The following LRP5 variants were observed in gnomAD, a reference collection of about 807,000 sequenced individuals.
LRP5 encodes the protein low-density lipoprotein receptor-related protein 5.
A neutral mutation model predicts 154.1 loss-of-function variants in LRP5; 62 were observed. The observed-to-expected ratio is 0.40, with a 90% CI of 0.33 to 0.50. The LOEUF (loss-of-function observed/expected upper bound fraction) is 0.50, where lower values mean the gene tolerates loss of function less well. LRP5 is among the 20% of genes least tolerant of loss of function. The pLI, the probability that LRP5 is intolerant of heterozygous loss-of-function variation, is 0.55. For synonymous variants in LRP5, 966 were observed against 1,011.5 expected (o/e 0.96, Z 0.85); for missense variants, 1,915 against 2,336.7 (o/e 0.82, Z 3.72).
intron 7 of LRP5, among the ~76,000 whole-genome samples, chr11:68,396,939 C>T (rs1591275936): frequency 6.6e-6 from 1 of 152,310 alleles, no homozygotes; most frequent in East Asian, 1.9e-4. Flanking sequence ...GATTGCATCC[C>T]CACTTCCCTT....
At chr11:68,398,061 T>A (rs765936186) in intron 7 of LRP5, among the ~76,000 whole-genome samples, 1 of 151,976 alleles carries the variant, frequency 6.6e-6, no homozygotes, top group Non-Finnish European at 1.5e-5. Flanking sequence ...TGAAGCAAGA[T>A]AACTGTTGCT....
chr11:68,438,477 G>A lies in LRP5; in HGVS notation c.4143G>A (p.Pro1381=), dbSNP rs759659671. ...EITKPPSDDS[P]AHSSAIGPVI... is the part of the protein sequence containing the mutation. ...CCAAGCCGCCCTCAGACGACAGCCC[G>A]GCCCACAGCAGTGCCATCGGGCCCG... Residue 1381 remains proline (P), a synonymous_variant, in exon 20 of 23, where the codon CCG becomes CCA. Coordinates refer to ENST00000294304, the MANE Select transcript of LRP5 (RefSeq NM_002335.4). 49 of 1,614,060 alleles carry A rather than the reference G, an allele frequency of 3.0e-5. No homozygotes were observed. Among genetic ancestry groups the A allele is most frequent in the East Asian group, 4.5e-5 (2 of 44,900 alleles).
chr11:68,446,318 C>T (rs2098681391), intron 21 of LRP5, 118 bp from the exon 22 acceptor site: 1 of 775,252 alleles, frequency 1.3e-6, no homozygotes, highest in South Asian at 1.4e-5. Flanking sequence ...AGGAAGGGGT[C>T]CTGGGAAGCA....
the LRP5 span, among the ~76,000 whole-genome samples, chr11:68,304,583 C>T: frequency 1.3e-5 from 2 of 152,236 alleles, no homozygotes; most frequent in African/African-American, 4.8e-5. Context: ...CAGCTTGCAC[C>T]CTGCACCTGG....
chr11:68,343,427 C>A (rs186300596), intron 1 of LRP5, among the ~76,000 whole-genome samples: 7 of 152,110 alleles, frequency 4.6e-5, no homozygotes, highest in African/African-American at 1.2e-4. Context: ...TCTCAAAAGG[C>A]CTGTGACCCC....
chr11:68,410,384 C>T (rs574629261), intron 10 of LRP5, among the ~76,000 whole-genome samples: 14 of 152,248 alleles, frequency 9.2e-5, no homozygotes, highest in African/African-American at 3.4e-4. Context: ...GCCGTCTCAC[C>T]GAAGTGTCCA....
chr11:68,447,644 G>A lies in LRP5; in HGVS notation c.4586+1111G>A, dbSNP rs1486334950. 1.3e-5 allele frequency among the ~76,000 whole-genome samples: 2 copies of A among 152,088 alleles called. No homozygotes were observed. The highest frequency in any genetic ancestry group is 1.9e-4 in the East Asian group (1 of 5,192). On this transcript the variant is annotated intron_variant, in intron 22 of 22. Transcript: ENST00000294304. This position sits in a 1 kb window ranked among gnomAD's most constrained non-coding sequence, Gnocchi z 4.3. Reference sequence around the variant, plus strand: ...ATGCCCGTCCTGCTCTGGGCCCACCGCGGACACATCTTCCCCCCGCCCGCC... The same window carrying A: ...ATGCCCGTCCTGCTCTGGGCCCACCACGGACACATCTTCCCCCCGCCCGCC...
intron 8 of LRP5, among the ~76,000 whole-genome samples, chr11:68,406,192 AC>A (rs1480966709): frequency 6.6e-6 from 1 of 152,220 alleles, no homozygotes; most frequent in Non-Finnish European, 1.5e-5. Flanking sequence ...TGTTACTGAT[AC>A]CCTTGGCTGT....
chr11:68,313,466 GC>G (rs1210894139), intron 1 of LRP5, among the ~76,000 whole-genome samples: 2 of 152,164 alleles, frequency 1.3e-5, no homozygotes, highest in Admixed American at 1.3e-4. Context: ...AGATCGCGGG[GC>G]AGTGGGGGAG....
intron 17 of LRP5, among the ~76,000 whole-genome samples, chr11:68,433,365 A>G (rs1460564302): frequency 6.6e-6 from 1 of 152,172 alleles, no homozygotes; most frequent in Non-Finnish European, 1.5e-5. Context: ...ATACGGATGC[A>G]TGTCTTCTTG....
At chr11:68,410,203 C>A in intron 10 of LRP5, 63 bp downstream of exon 10, 1 of 1,367,164 alleles carries the variant, frequency 7.3e-7, no homozygotes, top group Non-Finnish European at 1.0e-6. Context: ...GCGGGGGTGC[C>A]AACTGGGCAA....
intron 7 of LRP5, among the ~76,000 whole-genome samples, chr11:68,395,131 T>C (rs2098648531): frequency 6.6e-6 from 1 of 151,920 alleles, no homozygotes; most frequent in African/African-American, 2.4e-5. Context: ...TGAGACCCCG[T>C]CTCTACTAAA....
intron 1 of LRP5, among the ~76,000 whole-genome samples, chr11:68,322,899 A>G (rs112546966): frequency 6.6e-6 from 1 of 152,210 alleles, no homozygotes; most frequent in African/African-American, 2.4e-5. Context: ...CCCCAAAGGG[A>G]CTTGACTGTG....
chr11:68,318,971 C>T (rs867945530), intron 1 of LRP5, among the ~76,000 whole-genome samples: 3 of 152,204 alleles, frequency 2.0e-5, no homozygotes, highest in Admixed American at 1.3e-4. Context: ...GTTTTTTCTC[C>T]CTTCAGGATC....
chr11:68,372,113 G>A (rs1040213844), intron 5 of LRP5, among the ~76,000 whole-genome samples: 15 of 152,208 alleles, frequency 9.9e-5, no homozygotes, highest in Non-Finnish European at 2.2e-4. Flanking sequence ...TGTGAGTGAT[G>A]TTTAGGCCAA....
intron 4 of LRP5, among the ~76,000 whole-genome samples, 153 bp from the exon 5 acceptor site, chr11:68,365,418 A>T (rs7483989): frequency 6.6e-6 from 1 of 151,860 alleles, no homozygotes; most frequent in Admixed American, 6.6e-5. Flanking sequence ...GAATGGTGCC[A>T]GCGGGGAGGT....
intron 2 of LRP5, among the ~76,000 whole-genome samples, chr11:68,351,103 C>T (rs780652313): frequency 1.3e-5 from 2 of 152,148 alleles, no homozygotes; most frequent in Admixed American, 6.5e-5. Context: ...TATGGGGTAC[C>T]AGCAGGGGTG....
chr11:68,406,451 G>A, intron 8 of LRP5, 73 bp from the exon 9 acceptor site: 2 of 1,493,978 alleles, frequency 1.3e-6, no homozygotes, highest in Non-Finnish European at 1.9e-6. Flanking sequence ...AGCATTCATT[G>A]TGTGGCTTGG....
intron 7 of LRP5, among the ~76,000 whole-genome samples, chr11:68,390,374 C>G (rs925295086): frequency 6.6e-6 from 1 of 152,228 alleles, no homozygotes; most frequent in Non-Finnish European, 1.5e-5. Context: ...ATCCTCTGCA[C>G]TGCTTTTGCC....
Sources: gnomAD v4.1 joint callset for allele counts (sites outside exome capture counted in the v4.1 genomes callset) on GRCh38, gnomAD v4.1.1 for gene constraint, Gnocchi (gnomAD v3.1) non-coding constraint, MANE v1.5 for transcripts, NCBI Gene and HGNC (gene_info 2026-07-23, HGNC 2026-07-21) for gene names.